AADAT: variants seen among roughly 807,000 people sequenced by gnomAD.
AADAT encodes the protein aminoadipate aminotransferase, also known as kynurenine/alpha-aminoadipate aminotransferase, mitochondrial.
In AADAT, 25 loss-of-function variants were observed where a neutral mutation model predicts 56.2. The ratio of observed to expected loss-of-function variants is 0.44; its 90% CI spans 0.32 to 0.62. The LOEUF is 0.62. Ranked by LOEUF, AADAT falls within the 20% of genes least tolerant of loss-of-function variation. The pLI, the probability that AADAT is intolerant of heterozygous loss-of-function variation, is 0.04. For synonymous variants in AADAT, 173 were observed against 164.7 expected (o/e 1.05, Z -0.39); for missense variants, 387 against 510.5 (o/e 0.76, Z 2.33).
chr4:170,081,634 T>G (rs1338044784), intron 3 of AADAT, among the ~76,000 whole-genome samples: 2 of 152,092 alleles, frequency 1.3e-5, no homozygotes, highest in East Asian at 3.8e-4. Context: ...ACTGTACAGG[T>G]CAGGAAAAAG....
At chr4:170,093,737 A>G (rs1454945174), upstream of AADAT, among the ~76,000 whole-genome samples, 1 of 152,024 alleles carries the variant, frequency 6.6e-6, no homozygotes, top group East Asian at 1.9e-4. Context: ...CTGGGACTAC[A>G]GGTGAACACC....
intron 4 of AADAT, among the ~76,000 whole-genome samples, chr4:170,074,284 G>A (rs939679900): frequency 1.3e-5 from 2 of 151,758 alleles, no homozygotes; most frequent in African/African-American, 2.4e-5. Context: ...TGAGGTTTGG[G>A]GTACAATTGC....
chr4:170,066,798 A>G (rs1022300547), intron 9 of AADAT, among the ~76,000 whole-genome samples: 1 of 152,186 alleles, frequency 6.6e-6, no homozygotes, highest in African/African-American at 2.4e-5. Context: ...ACTCAGGATA[A>G]AAGACAATAC....
chr4:170,070,601 G>A lies in AADAT; in HGVS notation c.706C>T (p.Leu236Phe). ...LIIEDDPYYF[L>F]QFNKFRVPTF... ...TAATCACTTACCTTGTTAAACTGGA[G>A]AAAATAGTAAGGATCATCTTCTATT... The change falls in exon 6 of 13, where the codon CTC (leucine) becomes TTC (phenylalanine). Residue 236 changes from leucine to phenylalanine, a missense_variant. Coordinates refer to ENST00000337664, the MANE Select transcript of AADAT (RefSeq NM_016228.4). The A allele has an allele frequency of 6.3e-7, 1 of 1,582,732 alleles. No individual in the cohort carries two copies.
chr4:170,062,198 A>G (rs1251147578), intron 11 of AADAT, among the ~76,000 whole-genome samples: 4 of 152,238 alleles, frequency 2.6e-5, no homozygotes, highest in African/African-American at 9.6e-5. Context: ...AAAAATGTTC[A>G]GAATCAATAT....
At chr4:170,087,643 G>A (rs75184035) in intron 2 of AADAT, among the ~76,000 whole-genome samples, 5,547 of 152,178 alleles carry the variant, frequency 0.036, 334 homozygotes, top group African/African-American at 0.13. Flanking sequence ...GTTTGAATAA[G>A]CCTATGTATA....
chr4:170,062,127 C>G (rs528047884), intron 11 of AADAT, 134 bp from the exon 12 acceptor site: 66 of 493,772 alleles, frequency 1.3e-4, no homozygotes, highest in South Asian at 1.0e-3. Flanking sequence ...AGAAAAAATA[C>G]TAATTTATAT....
intron 3 of AADAT, among the ~76,000 whole-genome samples, chr4:170,086,313 T>C (rs909929933): frequency 1.3e-5 from 2 of 151,848 alleles, no homozygotes; most frequent in Non-Finnish European, 2.9e-5. Flanking sequence ...GTCTCTTTAT[T>C]GTGGCAACTA....
chr4:170,073,120 C>A lies in AADAT; in HGVS notation c.654+16G>T. Reference sequence around the variant, plus strand: ...AAACAGGAACACAACTACTTTAACCCATTCTTCTACAATACCTCATAGATT... The same window carrying A: ...AAACAGGAACACAACTACTTTAACCAATTCTTCTACAATACCTCATAGATT... On this transcript the variant is annotated intron_variant, in intron 5 of 12. Transcript: ENST00000337664. 1 of 1,611,836 alleles carries A rather than the reference C, an allele frequency of 6.2e-7. No homozygotes were observed. The highest frequency in any genetic ancestry group is 1.1e-5 in the South Asian group (1 of 90,774).
Position 170,073,262 on chromosome 4 carries a change from G to A in AADAT, c.528C>T (p.Ser176=). ...TCTTTGCATCTTCTGGTTTCCATCT[G>A]GAAAGTATGTCTCTTAGGGAATCTG... is the stretch of plus-strand genomic sequence containing the variant. ...IVPDSLRDIL[S]RWKPEDAKNP... Residue 176 remains serine (S), a synonymous_variant, in exon 5 of 13, where the codon TCC becomes TCT. Transcript: ENST00000337664. 1.9e-6 allele frequency: 3 copies of A among 1,614,028 alleles called. No individual in the cohort carries two copies. Among genetic ancestry groups the A allele is most frequent in the Non-Finnish European group, 1.7e-6 (2 of 1,180,006 alleles).
intron 12 of AADAT, 43 bp from the exon 13 acceptor site, chr4:170,061,012 C>T: frequency 1.5e-6 from 2 of 1,329,110 alleles, no homozygotes; most frequent in Non-Finnish European, 2.1e-6. Flanking sequence ...AATTAGGATA[C>T]TATATTGGAA....
chr4:170,088,210 T>C (rs1048916708), intron 2 of AADAT, among the ~76,000 whole-genome samples, 186 bp downstream of exon 2: 1 of 152,040 alleles, frequency 6.6e-6, no homozygotes. Flanking sequence ...TTCCTAACCA[T>C]TGAATACTCA....
At chr4:170,075,053 A>C (rs1318990283) in intron 4 of AADAT, among the ~76,000 whole-genome samples, 1 of 152,252 alleles carries the variant, frequency 6.6e-6, no homozygotes, top group East Asian at 1.9e-4. Flanking sequence ...CCATGAATAA[A>C]GCAAATCAAT....
rs1218504195 is a variant in AADAT, at chr4:170,089,267, C to T, written c.67+357G>A. ...CCACCCCTCTCCCATTTACCTGGCCCTCTCCACTGTACACCCATCTGCACG... is the reference window on the plus strand; with the variant it reads ...CCACCCCTCTCCCATTTACCTGGCCTTCTCCACTGTACACCCATCTGCACG... On this transcript the variant is annotated intron_variant, in intron 1 of 12. Transcript: ENST00000337664. 1.0e-5 allele frequency: 5 copies of T among 493,798 alleles called. No homozygotes were observed. In the East Asian group the frequency reaches 2.7e-4, roughly 27 times the overall value. 30.6% of individuals were successfully genotyped at this position (493,798 alleles called of 1,614,324 possible). A position where few individuals can be genotyped will look rare whatever the true frequency, so the allele number is the denominator to read the frequency against.
chr4:170,082,643 A>C (rs570507008), intron 3 of AADAT, among the ~76,000 whole-genome samples: 1 of 152,168 alleles, frequency 6.6e-6, no homozygotes, highest in African/African-American at 2.4e-5. Context: ...GGAGTGGCTG[A>C]GTGGATAAAG....
intron 3 of AADAT, among the ~76,000 whole-genome samples, chr4:170,081,312 T>C (rs1203581918): frequency 6.6e-6 from 1 of 151,714 alleles, no homozygotes; most frequent in Non-Finnish European, 1.5e-5. Flanking sequence ...ATACAGAAAA[T>C]TACCCCAAAA....
intron 4 of AADAT, among the ~76,000 whole-genome samples, chr4:170,074,667 G>A (rs1398886806): frequency 6.6e-6 from 1 of 152,090 alleles, no homozygotes; most frequent in African/African-American, 2.4e-5. Context: ...TCTGGAACAT[G>A]GGAGGTTCAG....
intron 5 of AADAT, 65 bp downstream of exon 5, chr4:170,073,071 G>C: frequency 2.0e-6 from 3 of 1,479,530 alleles, no homozygotes; most frequent in South Asian, 2.4e-5. Context: ...AGCTTGCATA[G>C]TGCTCTTCTA....
At chr4:170,063,236 G>A (rs910920666) in intron 11 of AADAT, among the ~76,000 whole-genome samples, 1 of 152,220 alleles carries the variant, frequency 6.6e-6, no homozygotes, top group Non-Finnish European at 1.5e-5. Context: ...AGAGAAGGGA[G>A]TGGTGGTAAT....
Sources: allele counts gnomAD v4.1 joint callset (sites outside exome capture counted in the v4.1 genomes callset), GRCh38; gene constraint gnomAD v4.1.1; transcripts MANE v1.5; gene names NCBI Gene and HGNC (gene_info 2026-07-23, HGNC 2026-07-21).